The following HMCN1 variants were observed in gnomAD, a reference collection of about 807,000 sequenced individuals.
HMCN1 encodes the protein hemicentin 1.
In HMCN1, 321 loss-of-function variants were observed where a neutral mutation model predicts 625.9. That is an observed-to-expected ratio of 0.51 (90% confidence interval 0.47 to 0.56). The LOEUF is 0.56. HMCN1 is among the 20% of genes least tolerant of loss of function. HMCN1 has a pLI of 0.00. For missense variants in HMCN1, 6,588 were observed against 6,887.3 expected (o/e 0.96, Z 1.54); for synonymous variants, 2,425 against 2,417.6 (o/e 1.00, Z -0.09).
intron 15 of HMCN1, among the ~76,000 whole-genome samples, chr1:185,977,056 C>T (rs1291471856): frequency 6.6e-6 from 1 of 151,978 alleles, no homozygotes; most frequent in Non-Finnish European, 1.5e-5. Context: ...TCTATGTCTT[C>T]CTCCCTGATC....
At chr1:186,095,169 T>A in intron 67 of HMCN1, 74 bp from the exon 68 acceptor site, 1 of 1,407,274 alleles carries the variant, frequency 7.1e-7, no homozygotes, top group Non-Finnish European at 1.0e-6. Flanking sequence ...ATAGAATTAT[T>A]CAAATGTTTT....
At chr1:185,900,289 G>A (rs772888941) in intron 4 of HMCN1, among the ~76,000 whole-genome samples, 1 of 151,944 alleles carries the variant, frequency 6.6e-6, no homozygotes, top group Non-Finnish European at 1.5e-5. Context: ...AGTTGTGAGA[G>A]CTATAAAGTT....
chr1:186,011,173 G>A (rs941794648), intron 30 of HMCN1, among the ~76,000 whole-genome samples: 2 of 152,064 alleles, frequency 1.3e-5, no homozygotes, highest in African/African-American at 4.8e-5. Flanking sequence ...AGCTTCCCGA[G>A]TAGCTGGGAT....
chr1:185,748,034 ATTTTTTTTTTTT>A (rs36021341), intron 1 of HMCN1, among the ~76,000 whole-genome samples: 10 of 118,152 alleles, frequency 8.5e-5, no homozygotes, highest in African/African-American at 3.0e-4. Context: ...GGTACTTAAA[ATTTTTTTTTTTT>A]TTTTTTTTTT....
At chr1:185,837,874 G>T (rs1661264461) in intron 1 of HMCN1, among the ~76,000 whole-genome samples, 1 of 152,162 alleles carries the variant, frequency 6.6e-6, no homozygotes. Context: ...CAGGAATTGT[G>T]TAATTTGAGT....
chr1:186,027,596 T>C (rs375108281), intron 36 of HMCN1, among the ~76,000 whole-genome samples: 16 of 152,272 alleles, frequency 1.1e-4, no homozygotes, highest in East Asian at 7.7e-4. Context: ...ATGGAGGCTG[T>C]GTGAGGATTA....
At chr1:186,096,099 A>G (rs530256692) in intron 68 of HMCN1, among the ~76,000 whole-genome samples, 1 of 152,300 alleles carries the variant, frequency 6.6e-6, no homozygotes, top group East Asian at 1.9e-4. Context: ...TATTTCAATA[A>G]CCAAGAGCTT....
chr1:185,850,427 G>T (rs1411656057), intron 2 of HMCN1, among the ~76,000 whole-genome samples: 1 of 151,872 alleles, frequency 6.6e-6, no homozygotes, highest in East Asian at 1.9e-4. Flanking sequence ...TGAAAATCTG[G>T]CCAGAATGAA....
At chr1:185,865,465 G>A (rs972297226) in intron 3 of HMCN1, among the ~76,000 whole-genome samples, 1 of 152,054 alleles carries the variant, frequency 6.6e-6, no homozygotes, top group African/African-American at 2.4e-5. Flanking sequence ...ATCTAGCATA[G>A]TCATGGTCTC....
intron 4 of HMCN1, among the ~76,000 whole-genome samples, chr1:185,904,154 C>CA (rs1665964627): frequency 6.6e-6 from 1 of 151,784 alleles, no homozygotes; most frequent in Non-Finnish European, 1.5e-5. Context: ...ATCATATTCC[C>CA]ACCTGGGTGC....
At chr1:185,883,534 A>C (rs1328330318) in intron 4 of HMCN1, among the ~76,000 whole-genome samples, 1 of 151,962 alleles carries the variant, frequency 6.6e-6, no homozygotes, top group African/African-American at 2.4e-5. Context: ...ATTGAGTATC[A>C]TGTTTTTGAA....
intron 11 of HMCN1, 96 bp from the exon 12 acceptor site, chr1:185,962,422 T>C: frequency 1.1e-6 from 1 of 946,488 alleles, no homozygotes; most frequent in South Asian, 1.3e-5. Context: ...GCAATAAAGA[T>C]GTGGTGGTGA....
chr1:185,945,400 T>A (rs143446730), intron 11 of HMCN1, among the ~76,000 whole-genome samples: 3,385 of 152,356 alleles, frequency 0.022, 59 homozygotes, highest in Non-Finnish European at 0.037. Flanking sequence ...TTTGTTCATT[T>A]GTTTGTACAT....
At chr1:186,000,275 C>T (rs1215424806) in intron 26 of HMCN1, 36 bp downstream of exon 26, 8 of 1,430,996 alleles carry the variant, frequency 5.6e-6, no homozygotes, top group Admixed American at 1.7e-5. Flanking sequence ...TGACTGTTTG[C>T]CAGTCTCCAG....
At chr1:186,108,310 C>A in intron 70 of HMCN1, 151 bp from the exon 71 acceptor site, 2 of 1,197,466 alleles carry the variant, frequency 1.7e-6, no homozygotes, top group Non-Finnish European at 2.3e-6. Flanking sequence ...AAAAAAAAAA[C>A]ACTTCCCACT....
At chr1:186,067,603 C>T (rs577048111) in intron 49 of HMCN1, among the ~76,000 whole-genome samples, 1 of 152,200 alleles carries the variant, frequency 6.6e-6, no homozygotes, top group African/African-American at 2.4e-5. Context: ...GCCCTTACTA[C>T]ATTGTGGTTT....
At chr1:186,174,842 C>T (rs1316142010) in intron 103 of HMCN1, among the ~76,000 whole-genome samples, 200 bp downstream of exon 103, 1 of 152,148 alleles carries the variant, frequency 6.6e-6, no homozygotes, top group African/African-American at 2.4e-5. Flanking sequence ...ACTGACATTT[C>T]AAGTGATAAT....
chr1:186,036,151 CCTT>C (rs1208424858), intron 36 of HMCN1, among the ~76,000 whole-genome samples: 1 of 152,032 alleles, frequency 6.6e-6, no homozygotes, highest in Non-Finnish European at 1.5e-5. Context: ...ATATCTTTGT[CCTT>C]CTCCTTATTG....
intron 3 of HMCN1, 110 bp from the exon 4 acceptor site, chr1:185,865,631 A>G (rs1663136438): frequency 2.8e-6 from 2 of 716,638 alleles, no homozygotes; most frequent in Non-Finnish European, 4.6e-6. Flanking sequence ...ACACACACAC[A>G]TTCACATATT....
Sources: allele counts gnomAD v4.1 joint callset (sites outside exome capture counted in the v4.1 genomes callset), GRCh38; gene constraint gnomAD v4.1.1; transcripts MANE v1.5; gene names NCBI Gene and HGNC (gene_info 2026-07-23, HGNC 2026-07-21).